SGPP2: variants seen among roughly 807,000 people sequenced by gnomAD.
SGPP2 encodes sphingosine-1-phosphate phosphatase 2.
SGPP2 carries 30 observed loss-of-function variants against 33.9 expected under a neutral mutation model. The ratio of observed to expected loss-of-function variants is 0.89; its 90% CI spans 0.66 to 1.20. SGPP2 has a LOEUF of 1.20. Among genes scored for constraint, SGPP2 ranks in the 50% most tolerant of loss-of-function variants. SGPP2 has a pLI of 0.00. For missense variants in SGPP2, 458 were observed against 532.1 expected, an observed-to-expected ratio of 0.86 and a Z score of 1.37; for synonymous variants, 233 against 225.0, an observed-to-expected ratio of 1.04 and a Z score of -0.32.
chr2:222,484,070 G>T (rs954969638), intron 2 of SGPP2, among the ~76,000 whole-genome samples: 5 of 152,006 alleles, frequency 3.3e-5, no homozygotes, highest in African/African-American at 1.2e-4. Flanking sequence ...GCATTGGTTT[G>T]GTTTTGAAAC....
chr2:222,429,263 G>A (rs943535745), intron 1 of SGPP2, among the ~76,000 whole-genome samples: 13 of 152,218 alleles, frequency 8.5e-5, no homozygotes, highest in African/African-American at 2.9e-4. Context: ...GAAGCTCTGA[G>A]TTCTCTTCTC....
chr2:222,424,479 G>C (rs1328323098), upstream of SGPP2: 3 of 550,500 alleles, frequency 5.4e-6, no homozygotes, highest in East Asian at 7.2e-5. Context: ...CTGGGCCCGG[G>C]GCCCCGCCCG....
chr2:222,529,581 C>T (rs1421175329), intron 4 of SGPP2, among the ~76,000 whole-genome samples: 1 of 152,186 alleles, frequency 6.6e-6, no homozygotes, highest in Non-Finnish European at 1.5e-5. Flanking sequence ...GTGATCCGTC[C>T]ACCTTGGTCT....
At position 222,553,776 on chromosome 2, in the gene SGPP2, TC is replaced by T. The variant is rs1689338856; in HGVS notation, c.649-4569del. 2.6e-5 allele frequency among the ~76,000 whole-genome samples: 4 copies of T among 152,312 alleles called. 1 individual carries two copies. In the East Asian group the frequency reaches 7.7e-4, roughly 29 times the overall value. ...TTAGGTAAAATGACTGTTTTTATCT[TC>T]CAGGCTTCGTTAGGGCTCAGACTTG... On this transcript the variant is annotated intron_variant, in intron 4 of 4. Coordinates refer to ENST00000321276, the MANE Select transcript of SGPP2 (RefSeq NM_152386.4).
chr2:222,484,384 T>A (rs1283013241), intron 2 of SGPP2, among the ~76,000 whole-genome samples: 1 of 152,232 alleles, frequency 6.6e-6, no homozygotes, highest in African/African-American at 2.4e-5. Context: ...TTTCTGATGC[T>A]TCATTTACTG....
intron 2 of SGPP2, among the ~76,000 whole-genome samples, chr2:222,512,976 AC>A (rs1698553652): frequency 6.6e-6 from 1 of 152,232 alleles, no homozygotes; most frequent in Admixed American, 6.5e-5. Context: ...TTTTCAGTTA[AC>A]TTGGATGAAC....
chr2:222,494,896 C>T (rs1341140308), intron 2 of SGPP2, among the ~76,000 whole-genome samples: 1 of 152,190 alleles, frequency 6.6e-6, no homozygotes, highest in Non-Finnish European at 1.5e-5. Flanking sequence ...TTTCTGGAGA[C>T]TTTTCTTTAA....
chr2:222,512,277 C>G (rs1287758736), intron 2 of SGPP2, among the ~76,000 whole-genome samples: 1 of 152,282 alleles, frequency 6.6e-6, no homozygotes, highest in East Asian at 1.9e-4. Flanking sequence ...TCCCAAAGTA[C>G]TGGGATTACA....
intron 2 of SGPP2, among the ~76,000 whole-genome samples, chr2:222,518,799 G>T (rs1184938763): frequency 1.3e-5 from 2 of 152,184 alleles, no homozygotes; most frequent in East Asian, 3.8e-4. Context: ...ATAGCCTGTG[G>T]ATTTGGCCTG....
In SGPP2 at chr2:222,465,200, T is replaced by G. The variant is rs995410913; in HGVS notation, c.220-9368T>G. ...TAAGTTGTCCTTACATTTTATTGAC[T>G]TTCAGTCTCGCCATCCTGAAATTTT... On this transcript the variant is annotated intron_variant, in intron 1 of 4. Coordinates refer to ENST00000321276, the MANE Select transcript of SGPP2 (RefSeq NM_152386.4). The surrounding 1 kb of genome is among the most constrained non-coding windows in gnomAD (Gnocchi z 4.1). 7.9e-5 allele frequency among the ~76,000 whole-genome samples: 12 copies of G among 152,178 alleles called. No homozygotes were observed. Among genetic ancestry groups the G allele is most frequent in the African/African-American group, 2.7e-4 (11 of 41,448 alleles).
At chr2:222,437,674 G>C (rs552994199) in intron 1 of SGPP2, among the ~76,000 whole-genome samples, 2 of 152,148 alleles carry the variant, frequency 1.3e-5, no homozygotes, top group Non-Finnish European at 2.9e-5. Context: ...TGCTGTGCAC[G>C]ACCCACTTTA....
intron 1 of SGPP2, among the ~76,000 whole-genome samples, chr2:222,464,620 C>A (rs1223688391): frequency 6.6e-6 from 1 of 152,172 alleles, no homozygotes; most frequent in African/African-American, 2.4e-5. Context: ...ATAGCTGGGA[C>A]CACAGGTGTG....
chr2:222,529,109 C>G lies in SGPP2; in HGVS notation c.648+4076C>G, dbSNP rs900418144. 5.9e-5 allele frequency among the ~76,000 whole-genome samples: 9 copies of G among 152,186 alleles called. No individual in the cohort carries two copies. The East Asian group carries it at 1.5e-3, about 26-fold the overall frequency. On this transcript the variant is annotated intron_variant, in intron 4 of 4. Coordinates refer to ENST00000321276, the MANE Select transcript of SGPP2 (RefSeq NM_152386.4). ...AAATTAGAGTTAATTCTCTCAAACC[C>G]TGCAATTGCTTTATCCACTACGTTT...
intron 1 of SGPP2, among the ~76,000 whole-genome samples, chr2:222,443,246 A>G (rs1697352732): frequency 6.6e-6 from 1 of 152,120 alleles, no homozygotes; most frequent in South Asian, 2.1e-4. Flanking sequence ...ATTTAGATTC[A>G]TTGAGTACAT....
intron 2 of SGPP2, among the ~76,000 whole-genome samples, chr2:222,490,873 G>A (rs2106110275): frequency 1.3e-5 from 2 of 152,128 alleles, no homozygotes; most frequent in Middle Eastern, 3.4e-3. Context: ...TCAGGCCTAG[G>A]TTTCCACTTG....
intron 4 of SGPP2, among the ~76,000 whole-genome samples, chr2:222,536,366 G>A (rs922892549): frequency 6.6e-6 from 1 of 152,170 alleles, no homozygotes; most frequent in Non-Finnish European, 1.5e-5. Context: ...GCCAAGGAAG[G>A]ATGTTTACAT....
At chr2:222,522,836 G>A (rs550153619) in intron 3 of SGPP2, among the ~76,000 whole-genome samples, 5 of 152,120 alleles carry the variant, frequency 3.3e-5, no homozygotes, top group South Asian at 4.2e-4. Flanking sequence ...GCACCACTAC[G>A]CCCAGATAAT....
intron 2 of SGPP2, among the ~76,000 whole-genome samples, chr2:222,486,040 C>T (rs982667149): frequency 7.2e-5 from 11 of 152,320 alleles, no homozygotes; most frequent in Middle Eastern, 3.4e-3. Flanking sequence ...TTAGAGGGCC[C>T]GGCCTCAGGG....
intron 1 of SGPP2, among the ~76,000 whole-genome samples, chr2:222,461,999 C>T (rs535917427): frequency 1.5e-4 from 23 of 152,270 alleles, no homozygotes; most frequent in African/African-American, 5.3e-4. Context: ...CCCTCTGCCT[C>T]AGCACAGCGA....
Sources: allele counts gnomAD v4.1 joint callset (sites outside exome capture counted in the v4.1 genomes callset), GRCh38; gene constraint gnomAD v4.1.1; non-coding constraint Gnocchi (gnomAD v3.1); transcripts MANE v1.5; gene names NCBI Gene and HGNC (gene_info 2026-07-23, HGNC 2026-07-21).